CXCL13: variants seen among roughly 807,000 people sequenced by gnomAD.
CXCL13 encodes C-X-C motif chemokine ligand 13.
Under a neutral mutation model 12.2 loss-of-function variants are expected in CXCL13, and 7 were observed. The observed-to-expected ratio is 0.57, with a 90% confidence interval of 0.33 to 1.07. The LOEUF (loss-of-function observed/expected upper bound fraction) is 1.07. Among genes scored for constraint, CXCL13 ranks in the 50% least tolerant of loss-of-function variants. CXCL13 has a pLI of 0.04. For missense variants in CXCL13, 113 were observed against 127.4 expected, an observed-to-expected ratio of 0.89 and a Z score of 0.55; for synonymous variants, 47 against 42.4, an observed-to-expected ratio of 1.11 and a Z score of -0.42.
intron 1 of CXCL13, among the ~76,000 whole-genome samples, chr4:77,570,050 A>T (rs1273677045): frequency 6.6e-6 from 1 of 152,188 alleles, no homozygotes; most frequent in Non-Finnish European, 1.5e-5. Flanking sequence ...AATAAATGGT[A>T]CTGGGATAAC....
At chr4:77,610,941 T>C in intron 3 of CXCL13, 47 bp from the exon 4 acceptor site, 1 of 1,529,206 alleles carries the variant, frequency 6.5e-7, no homozygotes, top group South Asian at 1.1e-5. Context: ...CACAGTTTCT[T>C]GTGTTTCTCT....
At chr4:77,520,217 T>A (rs551933377) in intron 1 of CXCL13, among the ~76,000 whole-genome samples, 3 of 152,316 alleles carry the variant, frequency 2.0e-5, no homozygotes, top group Admixed American at 1.3e-4. Context: ...TGGTTCCATA[T>A]GAACTTTAAA....
intron 1 of CXCL13, among the ~76,000 whole-genome samples, chr4:77,555,073 A>T (rs1219505458): frequency 6.6e-6 from 1 of 152,020 alleles, no homozygotes; most frequent in African/African-American, 2.4e-5. Context: ...AAGGTAAGAA[A>T]TAAAAATATG....
chr4:77,537,820 G>GA (rs1444743317), intron 1 of CXCL13, among the ~76,000 whole-genome samples: 1 of 152,138 alleles, frequency 6.6e-6, no homozygotes, highest in Non-Finnish European at 1.5e-5. Flanking sequence ...TCCTAGGGTA[G>GA]ACATGTGATT....
chr4:77,520,347 G>A (rs1194111716), intron 1 of CXCL13, among the ~76,000 whole-genome samples: 2 of 152,184 alleles, frequency 1.3e-5, no homozygotes, highest in East Asian at 1.9e-4. Flanking sequence ...CTACCCATGA[G>A]CATGGAATGT....
chr4:77,582,578 G>A (rs1019884112), intron 1 of CXCL13, among the ~76,000 whole-genome samples: 7 of 152,266 alleles, frequency 4.6e-5, no homozygotes, highest in Middle Eastern at 6.8e-3. Context: ...TAGGAACTAA[G>A]AGAATACAGA....
At chr4:77,574,186 T>C (rs1726156293) in intron 1 of CXCL13, among the ~76,000 whole-genome samples, 1 of 151,910 alleles carries the variant, frequency 6.6e-6, no homozygotes, top group Non-Finnish European at 1.5e-5. Context: ...TGTTTGTTTG[T>C]TTTTCTTTTC....
intron 1 of CXCL13, among the ~76,000 whole-genome samples, chr4:77,555,821 G>T (rs969727343): frequency 1.5e-4 from 23 of 152,120 alleles, no homozygotes; most frequent in African/African-American, 5.5e-4. Flanking sequence ...TAAGTCATTT[G>T]ACATTTTAAA....
intron 1 of CXCL13, among the ~76,000 whole-genome samples, chr4:77,539,060 C>CTT (rs34238488): frequency 4.9e-5 from 7 of 141,732 alleles, no homozygotes; most frequent in East Asian, 4.2e-4. Flanking sequence ...CTAATTTGAC[C>CTT]TTTTTTTTTT....
intron 1 of CXCL13, among the ~76,000 whole-genome samples, chr4:77,591,125 G>A (rs537807557): frequency 9.9e-5 from 15 of 152,244 alleles, no homozygotes; most frequent in East Asian, 5.8e-4. Flanking sequence ...TGATCTACCC[G>A]CCTGGGCGTA....
chr4:77,607,970 TGAA>T, intron 2 of CXCL13, 135 bp downstream of exon 2: 1 of 891,730 alleles, frequency 1.1e-6, no homozygotes, highest in Non-Finnish European at 1.7e-6. Flanking sequence ...AAACTAATAA[TGAA>T]AATTGTTAAT....
chr4:77,521,705 T>C (rs942846345), intron 1 of CXCL13, among the ~76,000 whole-genome samples: 7 of 152,128 alleles, frequency 4.6e-5, no homozygotes, highest in African/African-American at 9.7e-5. Flanking sequence ...TATTTTTGTC[T>C]CTCTTTCAAT....
At chr4:77,514,634 C>A (rs1246162889) in intron 1 of CXCL13, among the ~76,000 whole-genome samples, 39 of 149,536 alleles carry the variant, frequency 2.6e-4, no homozygotes, top group Admixed American at 2.3e-3. Flanking sequence ...ATGTCCTTCG[C>A]CCACTTTTTG....
At chr4:77,513,164 C>T (rs780208314) in intron 1 of CXCL13, among the ~76,000 whole-genome samples, 1 of 152,056 alleles carries the variant, frequency 6.6e-6, no homozygotes, top group Non-Finnish European at 1.5e-5. Flanking sequence ...TGTATATGTG[C>T]CACATTTTCT....
chr4:77,607,566 C>T, intron 1 of CXCL13, 137 bp from the exon 2 acceptor site: 2 of 707,024 alleles, frequency 2.8e-6, no homozygotes, highest in Non-Finnish European at 4.6e-6. Flanking sequence ...AATATACAAA[C>T]TAAAGACATA....
intron 1 of CXCL13, among the ~76,000 whole-genome samples, chr4:77,584,766 A>G (rs1186162792): frequency 1.3e-5 from 2 of 152,236 alleles, no homozygotes; most frequent in Non-Finnish European, 2.9e-5. Context: ...AAGTCCAGTC[A>G]AGGGCTTCTG....
intron 1 of CXCL13, among the ~76,000 whole-genome samples, chr4:77,544,875 T>G (rs926838821): frequency 2.0e-5 from 3 of 152,190 alleles, no homozygotes; most frequent in Non-Finnish European, 4.4e-5. Flanking sequence ...TTTTTATGGT[T>G]TTAGGTCTAA....
intron 1 of CXCL13, among the ~76,000 whole-genome samples, chr4:77,563,197 C>T (rs749162882): frequency 7.9e-5 from 12 of 152,170 alleles, no homozygotes; most frequent in Admixed American, 3.9e-4. Context: ...AGAACTGTAA[C>T]GCTCACCGGG....
At chr4:77,569,145 C>T (rs1023615734) in intron 1 of CXCL13, among the ~76,000 whole-genome samples, 1 of 152,134 alleles carries the variant, frequency 6.6e-6, no homozygotes, top group Non-Finnish European at 1.5e-5. Context: ...ATGACAAACC[C>T]ACAGCCAACA....
Sources: allele counts gnomAD v4.1 joint callset (sites outside exome capture counted in the v4.1 genomes callset), GRCh38; gene constraint gnomAD v4.1.1; transcripts MANE v1.5; gene names NCBI Gene and HGNC (gene_info 2026-07-23, HGNC 2026-07-21).